CHST12: variants seen among roughly 807,000 people sequenced by gnomAD.
The protein encoded by CHST12 is carbohydrate sulfotransferase 12, also known as carbohydrate (chondroitin 4) sulfotransferase 12.
CHST12 carries 23 observed loss-of-function variants against 27.9 expected under a neutral mutation model. That is an observed-to-expected ratio of 0.82 (90% CI 0.59 to 1.17). The LOEUF (loss-of-function observed/expected upper bound fraction) is 1.17, where lower values mean the gene tolerates loss of function less well. CHST12 is among the 50% of genes most tolerant of loss of function. The pLI is 0.00. For synonymous variants in CHST12, 322 were observed against 273.0 expected (o/e 1.18, Z -1.77); for missense variants, 682 against 603.0 (o/e 1.13, Z -1.37).
chr7:2,433,680 G>C lies in CHST12; in HGVS notation c.1041G>C (p.Glu347Asp). ...TGGGGAAGCTGGAGACTCTGGACGA[G>C]GACGCCGCGCAGCTGCTGCAGCTAC... Reference protein sequence around the residue: ...DFVGKLETLDEDAAQLLQLLQ... With the variant: ...DFVGKLETLDDDAAQLLQLLQ... The change falls in exon 2 of 2, where the codon GAG (glutamate) becomes GAC (aspartate). Residue 347 changes from glutamate (E) to aspartate (D), a missense_variant. By Grantham distance (45) the Glu-to-Asp change is conservative. Coordinates refer to ENST00000618655, the MANE Select transcript of CHST12 (RefSeq NM_018641.5). The surrounding 1 kb of genome is among the most constrained non-coding windows in gnomAD (Gnocchi z 6.1). The C allele has an allele frequency of 4.3e-6, 7 of 1,613,418 alleles. No individual in the cohort carries two copies. Among genetic ancestry groups the C allele is most frequent in the Non-Finnish European group, 5.9e-6 (7 of 1,179,688 alleles).
intron 1 of CHST12, among the ~76,000 whole-genome samples, chr7:2,429,535 T>C (rs1163178508): frequency 6.6e-6 from 1 of 152,166 alleles, no homozygotes; most frequent in African/African-American, 2.4e-5. Context: ...CCCAGAGATT[T>C]CTTTTTAAGG....
chr7:2,416,351 A>G (rs1433974783), intron 1 of CHST12, among the ~76,000 whole-genome samples: 1 of 152,210 alleles, frequency 6.6e-6, no homozygotes, highest in Non-Finnish European at 1.5e-5. Context: ...TGAGGACTGG[A>G]ACCAACCTCT....
chr7:2,411,770 C>T (rs903135913), intron 1 of CHST12, among the ~76,000 whole-genome samples: 12 of 152,246 alleles, frequency 7.9e-5, no homozygotes, highest in African/African-American at 1.7e-4. Flanking sequence ...GCGTGAGCCA[C>T]TGTGCCCAGC....
chr7:2,418,446 G>C (rs181004662), intron 1 of CHST12, among the ~76,000 whole-genome samples: 12 of 152,360 alleles, frequency 7.9e-5, no homozygotes, highest in Non-Finnish European at 1.3e-4. Context: ...GCCCACGGTT[G>C]GTGTGCCGCA....
Position 2,434,579 on chromosome 7 carries a change from TAAAAAAAAA to T in CHST12, c.*724_*732del, listed in dbSNP as rs869123293. 0.036 allele frequency: 741 copies of T among 20,858 alleles called. 8 individuals carry two copies. The highest frequency in any genetic ancestry group is 0.19 in the East Asian group (91 of 484). 1.3% of individuals were successfully genotyped at this position (20,858 alleles called of 1,614,324 possible). ...CAACATGGTGAAACCCTGTCTCTAC[TAAAAAAAAA>T]AAAAAAAAAAAAAAAAAAAAAAAAA... On this transcript the variant is annotated 3_prime_UTR_variant, in exon 2 of 2. Transcript: ENST00000618655.
In CHST12 at chr7:2,409,472, A is replaced by T. The variant is rs188982612; in HGVS notation, c.-78+5799A>T. Among the ~76,000 whole-genome samples the T allele has an allele frequency of 1.4e-3, 208 of 152,170 alleles. 4 individuals carry two copies. The South Asian group carries it at 0.026, about 19-fold the overall frequency. Reference sequence around the variant, plus strand: ...TCTACTGAAAATACAAAAATTAGCCAGACATGGTGGCCTGTGTCTGTCTCA... The same window carrying T: ...TCTACTGAAAATACAAAAATTAGCCTGACATGGTGGCCTGTGTCTGTCTCA... On this transcript the variant is annotated intron_variant, in intron 1 of 1. Transcript: ENST00000618655.
rs768032590 is a variant in CHST12 at position 2,433,235 on chromosome 7, C to A, written c.596C>A (p.Pro199Gln). Residue 199 changes from proline to glutamine, a missense_variant, in exon 2 of 2, where the codon CCG (proline) becomes CAG (glutamine). Pro to Gln is a moderately conservative substitution (Grantham distance 76). Transcript: ENST00000618655. The surrounding 1 kb of genome is among the most constrained non-coding windows in gnomAD (Gnocchi z 6.1). Reference protein sequence around the residue: ...LLHRGAPYRDPLRIPREHVHN... With the variant: ...LLHRGAPYRDQLRIPREHVHN... ...CACCGCGGTGCGCCCTACCGCGACC[C>A]GCTGCGCATCCCGCGCGAGCACGTG... 15 of 1,611,854 alleles carry A rather than the reference C, an allele frequency of 9.3e-6. No homozygotes were observed. Among genetic ancestry groups the A allele is most frequent in the East Asian group, 2.2e-5 (1 of 44,812 alleles).
chr7:2,406,851 G>C (rs952388448), intron 1 of CHST12, among the ~76,000 whole-genome samples: 1 of 152,138 alleles, frequency 6.6e-6, no homozygotes, highest in Non-Finnish European at 1.5e-5. Context: ...TGCTACAGGA[G>C]ATTGAGACCA....
At chr7:2,410,077 C>G (rs933663046) in intron 1 of CHST12, among the ~76,000 whole-genome samples, 1 of 152,116 alleles carries the variant, frequency 6.6e-6, no homozygotes, top group Admixed American at 6.5e-5. Flanking sequence ...CCGCCACGCC[C>G]GGCCGAGCGC....
chr7:2,421,819 G>C (rs772333392), intron 1 of CHST12, among the ~76,000 whole-genome samples: 17 of 152,234 alleles, frequency 1.1e-4, no homozygotes, highest in Admixed American at 3.3e-4. Flanking sequence ...TCCCGCCTCA[G>C]CCTCCCAAAG....
intron 1 of CHST12, among the ~76,000 whole-genome samples, chr7:2,416,514 G>A (rs948136063): frequency 2.0e-5 from 3 of 152,202 alleles, no homozygotes; most frequent in Non-Finnish European, 2.9e-5. Context: ...CTTACAAAAT[G>A]TATTCCTTTA....
chr7:2,403,535 C>A (rs1781437520), upstream of CHST12: 1 of 151,340 alleles, frequency 6.6e-6, no homozygotes, highest in Non-Finnish European at 1.5e-5. Flanking sequence ...CGCGACGTCT[C>A]GCGAGAAGAC....
intron 1 of CHST12, among the ~76,000 whole-genome samples, chr7:2,422,499 C>T (rs951903785): frequency 1.3e-5 from 2 of 152,074 alleles, no homozygotes; most frequent in Non-Finnish European, 2.9e-5. Context: ...CCCGCCTCGG[C>T]CTCCCAAGGT....
intron 1 of CHST12, among the ~76,000 whole-genome samples, chr7:2,409,191 G>A (rs1033411603): frequency 3.9e-5 from 6 of 152,198 alleles, no homozygotes; most frequent in Non-Finnish European, 8.8e-5. Flanking sequence ...TGATGCACCT[G>A]GGCAGAGAAG....
intron 1 of CHST12, among the ~76,000 whole-genome samples, chr7:2,421,227 C>CTTTTTTTTTTTTTTT (rs60332594): frequency 1.1e-5 from 1 of 92,010 alleles, no homozygotes; most frequent in Non-Finnish European, 2.0e-5. Context: ...CCTGCTAATT[C>CTTTTTTTTTTTTTTT]TTTTTTTTTT....
chr7:2,418,517 G>A (rs932891946), intron 1 of CHST12, among the ~76,000 whole-genome samples: 1 of 152,174 alleles, frequency 6.6e-6, no homozygotes, highest in African/African-American at 2.4e-5. Flanking sequence ...AATCACAGGG[G>A]GCTTTTTGTT....
chr7:2,412,775 C>T (rs1031748311), intron 1 of CHST12, among the ~76,000 whole-genome samples: 2 of 152,226 alleles, frequency 1.3e-5, no homozygotes, highest in African/African-American at 4.8e-5. Context: ...CTACTTTTCC[C>T]AGTTTCATCC....
At chr7:2,427,286 C>T (rs902762756) in intron 1 of CHST12, among the ~76,000 whole-genome samples, 2 of 152,074 alleles carry the variant, frequency 1.3e-5, no homozygotes, top group African/African-American at 2.4e-5. Flanking sequence ...CTTGCTAGAG[C>T]CCAGGAGTTC....
intron 1 of CHST12, among the ~76,000 whole-genome samples, chr7:2,426,948 G>T (rs1349960473): frequency 6.6e-6 from 1 of 152,076 alleles, no homozygotes; most frequent in Non-Finnish European, 1.5e-5. Context: ...CCAAGATCAT[G>T]CCACTGCACT....
Sources: gnomAD v4.1 joint callset for allele counts (sites outside exome capture counted in the v4.1 genomes callset) on GRCh38, gnomAD v4.1.1 for gene constraint, Gnocchi (gnomAD v3.1) non-coding constraint, MANE v1.5 for transcripts, NCBI Gene and HGNC (gene_info 2026-07-23, HGNC 2026-07-21) for gene names.